The following ZDHHC20 variants were observed in gnomAD, a reference collection of about 807,000 sequenced individuals.
The protein encoded by ZDHHC20 is zDHHC palmitoyltransferase 20, also known as palmitoyltransferase ZDHHC20.
A neutral mutation model predicts 57.8 loss-of-function variants in ZDHHC20; 43 were observed. That is an observed-to-expected ratio of 0.74 (90% CI 0.58 to 0.96). ZDHHC20 has a LOEUF of 0.96. ZDHHC20 is among the 40% of genes least tolerant of loss of function. The pLI is 0.00. For missense variants in ZDHHC20, 391 were observed against 441.1 expected, an observed-to-expected ratio of 0.89 and a Z score of 1.02; for synonymous variants, 157 against 153.0, an observed-to-expected ratio of 1.03 and a Z score of -0.19.
chr13:21,444,771 T>C (rs981566807), intron 1 of ZDHHC20, among the ~76,000 whole-genome samples: 38 of 152,270 alleles, frequency 2.5e-4, no homozygotes, highest in African/African-American at 9.1e-4. Flanking sequence ...TATAAAAATA[T>C]AGGGCTGGGC....
intron 1 of ZDHHC20, among the ~76,000 whole-genome samples, chr13:21,427,232 T>A (rs1273248337): frequency 6.6e-6 from 1 of 152,212 alleles, no homozygotes. Context: ...TGTGGAATCA[T>A]GTCTTAGAAT....
intron 4 of ZDHHC20, among the ~76,000 whole-genome samples, chr13:21,403,675 T>C (rs1878032840): frequency 6.6e-6 from 1 of 151,704 alleles, no homozygotes; most frequent in Non-Finnish European, 1.5e-5. Context: ...GAGAAAGAAG[T>C]TGCTTTTTTG....
At chr13:21,393,699 C>CA (rs71093307) in intron 7 of ZDHHC20, among the ~76,000 whole-genome samples, 1,332 of 63,388 alleles carry the variant, frequency 0.021, 94 homozygotes, top group African/African-American at 0.053. Flanking sequence ...GCAAGTCTCA[C>CA]AAAAAAAAAA....
intron 4 of ZDHHC20, among the ~76,000 whole-genome samples, chr13:21,408,522 C>T (rs753316678): frequency 9.2e-5 from 14 of 152,120 alleles, no homozygotes; most frequent in Non-Finnish European, 1.3e-4. Context: ...GGGGCTGGGA[C>T]GATGGGGTTT....
chr13:21,448,628 G>A (rs1329556362), intron 1 of ZDHHC20, among the ~76,000 whole-genome samples: 4 of 96,052 alleles, frequency 4.2e-5, no homozygotes, highest in East Asian at 2.4e-4. Context: ...CGGCCGCCCC[G>A]TCCGGGAGGT....
In ZDHHC20 at chr13:21,421,157, G is replaced by C. The variant is rs201047829; in HGVS notation, c.153C>G (p.Thr51=). 143 of 1,612,084 alleles carry C rather than the reference G, an allele frequency of 8.9e-5. No individual in the cohort carries two copies. Among genetic ancestry groups the C allele is most frequent in the Non-Finnish European group, 1.1e-4 (135 of 1,178,928 alleles). The part of the protein sequence containing the change: ...TIFGNEENGK[T]VVYLVAFHLF... ...GATGGAAAGCCACAAGGTAAACAAC[G>C]GTCTTTCCTGGTAAATAAAAACAAA... Residue 51 remains threonine (T), a synonymous_variant, in exon 3 of 13, where the codon ACC becomes ACG. Coordinates refer to ENST00000400590, the MANE Select transcript of ZDHHC20 (RefSeq NM_001330059.2).
At chr13:21,448,433 G>T (rs796559876) in intron 1 of ZDHHC20, among the ~76,000 whole-genome samples, 4 of 72,032 alleles carry the variant, frequency 5.6e-5, no homozygotes, top group Non-Finnish European at 9.3e-5. Context: ...TCAGCCCCCC[G>T]CCCGGCCAGC....
In ZDHHC20 at chr13:21,391,866, A is replaced by G; in HGVS notation, c.595-12T>C. 1 of 1,605,036 alleles carries G rather than the reference A, an allele frequency of 6.2e-7. No homozygotes were observed. The highest frequency in any genetic ancestry group is 1.1e-5 in the South Asian group (1 of 88,584). On this transcript the variant is annotated splice_polypyrimidine_tract_variant and intron_variant, in intron 7 of 12. Transcript: ENST00000400590. ...TCTGTCAGTTCATTCTGAGGAAAAA[A>G]AGAAGTTAATTTTGAGGTCAACCTC...
intron 3 of ZDHHC20, among the ~76,000 whole-genome samples, chr13:21,420,395 T>A (rs1023346739): frequency 1.3e-5 from 2 of 152,214 alleles, no homozygotes; most frequent in African/African-American, 4.8e-5. Context: ...CATTTTTTGA[T>A]AAGAAAACTG....
chr13:21,438,068 T>C (rs1022157458), intron 1 of ZDHHC20, among the ~76,000 whole-genome samples: 1 of 152,222 alleles, frequency 6.6e-6, no homozygotes, highest in Non-Finnish European at 1.5e-5. Context: ...TTACTGCTCA[T>C]TGAAAATGCA....
intron 1 of ZDHHC20, among the ~76,000 whole-genome samples, chr13:21,450,115 C>T (rs1263109136): frequency 6.6e-6 from 1 of 151,934 alleles, no homozygotes; most frequent in Non-Finnish European, 1.5e-5. Flanking sequence ...TAGAAGGATA[C>T]AGCTGTCATT....
chr13:21,441,058 A>T (rs1332764437), intron 1 of ZDHHC20, among the ~76,000 whole-genome samples: 1 of 152,210 alleles, frequency 6.6e-6, no homozygotes, highest in Non-Finnish European at 1.5e-5. Flanking sequence ...TTAATTTTTC[A>T]GAGATTTCCT....
At chr13:21,401,622 A>G (rs1161975384) in intron 6 of ZDHHC20, 31 bp downstream of exon 6, 85 of 1,528,048 alleles carry the variant, frequency 5.6e-5, no homozygotes, top group Non-Finnish European at 7.4e-5. Context: ...TCTCACCACC[A>G]ATGCAATTTC....
At chr13:21,387,665 T>C (rs1874812889) in intron 8 of ZDHHC20, 31 bp from the exon 9 acceptor site, 14 of 1,288,780 alleles carry the variant, frequency 1.1e-5, no homozygotes, top group African/African-American at 1.5e-5. Context: ...TATAAACTAA[T>C]TAATCTATTT....
At chr13:21,398,762 G>A (rs986549756) in intron 7 of ZDHHC20, among the ~76,000 whole-genome samples, 1 of 152,202 alleles carries the variant, frequency 6.6e-6, no homozygotes, top group African/African-American at 2.4e-5. Context: ...GTTGGTTTGA[G>A]ACGTGCTGAT....
Position 21,406,406 on chromosome 13 carries a change from C to T in ZDHHC20, c.371-3540G>A, listed in dbSNP as rs140525014. Among the ~76,000 whole-genome samples, 24 of 152,264 alleles carry T rather than the reference C, an allele frequency of 1.6e-4. No individual in the cohort carries two copies. The East Asian group carries it at 2.7e-3, about 17-fold the overall frequency. On this transcript the variant is annotated intron_variant, in intron 4 of 12. Transcript: ENST00000400590. ...GCTTTTCTATGTTTTTATTATTATA[C>T]TTTGTTATAAAATAGATGTGTAGAA...
intron 4 of ZDHHC20, among the ~76,000 whole-genome samples, chr13:21,410,678 C>T (rs1443977828): frequency 6.6e-6 from 1 of 152,218 alleles, no homozygotes; most frequent in East Asian, 1.9e-4. Context: ...AATCCACTTA[C>T]TCAAGCCTCA....
At chr13:21,419,400 T>C (rs536548972) in intron 3 of ZDHHC20, among the ~76,000 whole-genome samples, 1 of 152,234 alleles carries the variant, frequency 6.6e-6, no homozygotes, top group Non-Finnish European at 1.5e-5. Context: ...CCAAGAGACA[T>C]GCACTAGAAT....
intron 3 of ZDHHC20, among the ~76,000 whole-genome samples, chr13:21,420,154 A>C (rs969767921): frequency 6.6e-6 from 1 of 152,062 alleles, no homozygotes; most frequent in Admixed American, 6.5e-5. Flanking sequence ...GGGCATGGTG[A>C]TGCGTGCCTG....
Sources: allele counts gnomAD v4.1 joint callset (sites outside exome capture counted in the v4.1 genomes callset), GRCh38; gene constraint gnomAD v4.1.1; transcripts MANE v1.5; gene names NCBI Gene and HGNC (gene_info 2026-07-23, HGNC 2026-07-21).